The following AXDND1 variants were observed in gnomAD, a reference collection of about 807,000 sequenced individuals.
The protein encoded by AXDND1 is axonemal dynein light chain domain-containing protein 1.
AXDND1 carries 110 observed loss-of-function variants against 137.5 expected under a neutral mutation model. The ratio of observed to expected loss-of-function variants is 0.80; its 90% CI spans 0.69 to 0.94. AXDND1 has a LOEUF of 0.94. Among genes scored for constraint, AXDND1 ranks in the 40% least tolerant of loss-of-function variants. The pLI is 0.00. For synonymous variants in AXDND1, 414 were observed against 399.7 expected, an observed-to-expected ratio of 1.04 and a Z score of -0.43; for missense variants, 1,191 against 1,169.8, an observed-to-expected ratio of 1.02 and a Z score of -0.26.
intron 11 of AXDND1, among the ~76,000 whole-genome samples, chr1:179,398,383 T>C (rs1651398596): frequency 6.6e-6 from 1 of 152,174 alleles, no homozygotes; most frequent in South Asian, 2.1e-4. Flanking sequence ...GAGGTGCTCC[T>C]GGACCACTGG....
At chr1:179,430,386 T>C in intron 13 of AXDND1, 66 bp from the exon 14 acceptor site, 1 of 1,217,758 alleles carries the variant, frequency 8.2e-7, no homozygotes, top group Non-Finnish European at 1.1e-6. Flanking sequence ...TGGCCTGGTA[T>C]ATGTTAATGA....
chr1:179,373,795 T>C (rs1486017588), intron 4 of AXDND1, among the ~76,000 whole-genome samples: 1 of 152,114 alleles, frequency 6.6e-6, no homozygotes, highest in African/African-American at 2.4e-5. Flanking sequence ...TGAAACTGGA[T>C]CCCTTCCTTA....
intron 21 of AXDND1, among the ~76,000 whole-genome samples, chr1:179,516,810 C>T (rs1669580729): frequency 6.6e-6 from 1 of 152,202 alleles, no homozygotes. Context: ...TGTGAACCGT[C>T]TATGGCTCCC....
intron 21 of AXDND1, among the ~76,000 whole-genome samples, chr1:179,511,546 A>C (rs981220286): frequency 2.0e-5 from 3 of 152,048 alleles, no homozygotes; most frequent in Non-Finnish European, 4.4e-5. Flanking sequence ...TCTTTTTCCT[A>C]TAATGACTTC....
At chr1:179,397,762 C>A (rs188702227) in intron 11 of AXDND1, among the ~76,000 whole-genome samples, 156 of 152,304 alleles carry the variant, frequency 1.0e-3, no homozygotes, top group Admixed American at 2.9e-3. Context: ...ATTCTTTCTT[C>A]AACTTGGTTT....
At chr1:179,434,495 T>G (rs1657850258) in intron 15 of AXDND1, among the ~76,000 whole-genome samples, 1 of 152,176 alleles carries the variant, frequency 6.6e-6, no homozygotes. Flanking sequence ...ATCAAAAATC[T>G]TATCCACCAT....
chr1:179,404,938 G>A (rs1466727792), intron 11 of AXDND1, among the ~76,000 whole-genome samples: 1 of 151,776 alleles, frequency 6.6e-6, no homozygotes, highest in Non-Finnish European at 1.5e-5. Flanking sequence ...TAAGTTCTGA[G>A]ATACATGTGC....
At position 179,534,917 on chromosome 1, in the gene AXDND1, G is replaced by A; in HGVS notation, c.2986G>A (p.Glu996Lys). ...AGAAGAAGAAGAACAACAAGAAGAA[G>A]AAGAAGTCAGGTCAGCAGAAAATTC... ...VKEEEEQQEE[E>K]EVRSAENSSK... The change falls in exon 25 of 26, where the codon GAA becomes AAA. Residue 996 changes from glutamate to lysine, a missense_variant. By Grantham distance (56) the Glu-to-Lys change is moderately conservative (BLOSUM62 1). Coordinates refer to ENST00000367618, the MANE Select transcript of AXDND1 (RefSeq NM_144696.6). The A allele has an allele frequency of 6.2e-7, 1 of 1,609,440 alleles. No homozygotes were observed.
At position 179,506,944 on chromosome 1, in the gene AXDND1, C is replaced by T. The variant is rs992826684; in HGVS notation, c.2389-2352C>T. On this transcript the variant is annotated intron_variant, in intron 20 of 25. Transcript: ENST00000367618. ...TTTAGCAGGTAAATTCAAGCCCCAG[C>T]TTTCCTTCCTTATGGGGGGATCTGT... 7 of 968,502 alleles carry T rather than the reference C, an allele frequency of 7.2e-6. No individual in the cohort carries two copies. The African/African-American group carries it at 1.1e-4, about 15-fold the overall frequency. The allele number at this position is 968,502 out of a possible 1,614,324, so 60.0% of individuals were successfully genotyped here.
At chr1:179,400,731 G>A (rs181048560) in intron 11 of AXDND1, among the ~76,000 whole-genome samples, 228 of 146,406 alleles carry the variant, frequency 1.6e-3, no homozygotes, top group African/African-American at 5.5e-3. Flanking sequence ...GTGAAACCCC[G>A]TTTCTACTGA....
chr1:179,521,652 T>C (rs370987726), intron 21 of AXDND1, among the ~76,000 whole-genome samples: 2 of 152,272 alleles, frequency 1.3e-5, no homozygotes, highest in Admixed American at 6.5e-5. Flanking sequence ...CCTTGGGTCA[T>C]TTGTCTTCTA....
At chr1:179,513,135 C>T (rs1409918594) in intron 21 of AXDND1, among the ~76,000 whole-genome samples, 2 of 152,108 alleles carry the variant, frequency 1.3e-5, no homozygotes, top group African/African-American at 4.8e-5. Flanking sequence ...GTATCCTTGT[C>T]TCATTCCAGT....
intron 5 of AXDND1, among the ~76,000 whole-genome samples, chr1:179,379,090 A>T (rs1237633093): frequency 6.6e-6 from 1 of 152,184 alleles, no homozygotes. Flanking sequence ...TATCTTGCTA[A>T]GTTGAATTTT....
chr1:179,374,358 C>T (rs370064386), intron 4 of AXDND1, among the ~76,000 whole-genome samples: 4 of 152,080 alleles, frequency 2.6e-5, no homozygotes, highest in Admixed American at 1.3e-4. Context: ...GAAATAGGAA[C>T]GCTTTTACAC....
intron 25 of AXDND1, chr1:179,544,602 A>AG (rs1672471923): frequency 7.2e-6 from 1 of 138,262 alleles, no homozygotes; most frequent in African/African-American, 2.6e-5. Context: ...TGAACCCAGG[A>AG]GGTGGAGGTT....
intron 21 of AXDND1, among the ~76,000 whole-genome samples, chr1:179,512,603 G>T (rs1669162593): frequency 6.6e-6 from 1 of 152,116 alleles, no homozygotes; most frequent in Admixed American, 6.6e-5. Context: ...TGTGAAGAAT[G>T]ATAGTGGTGT....
chr1:179,412,907 A>G (rs12727075), intron 12 of AXDND1, among the ~76,000 whole-genome samples: 44,599 of 151,990 alleles, frequency 0.29, 6,753 homozygotes, highest in Non-Finnish European at 0.31. Flanking sequence ...TACAATATTT[A>G]CTGTAGGCTT....
intron 15 of AXDND1, among the ~76,000 whole-genome samples, chr1:179,442,705 TG>T (rs1397100649): frequency 1.3e-5 from 2 of 152,214 alleles, no homozygotes; most frequent in Non-Finnish European, 2.9e-5. Flanking sequence ...TTACATCCGC[TG>T]CCGGCAGACT....
intron 25 of AXDND1, chr1:179,543,668 A>G (rs564855381): frequency 1.3e-5 from 2 of 152,052 alleles, no homozygotes; most frequent in Non-Finnish European, 2.9e-5. Context: ...GGGAAGGAGG[A>G]GATGTTCTTT....
Sources: gnomAD v4.1 joint callset for allele counts (sites outside exome capture counted in the v4.1 genomes callset) on GRCh38, gnomAD v4.1.1 for gene constraint, MANE v1.5 for transcripts, NCBI Gene and HGNC (gene_info 2026-07-23, HGNC 2026-07-21) for gene names.